TEX10: variants seen among roughly 807,000 people sequenced by gnomAD.
TEX10 encodes testis expressed 10.
A neutral mutation model predicts 104.4 loss-of-function variants in TEX10; 24 were observed. That is an observed-to-expected ratio of 0.23 (90% CI 0.17 to 0.32). The LOEUF (loss-of-function observed/expected upper bound fraction) is 0.32. Ranked by LOEUF, TEX10 falls within the 10% of genes least tolerant of loss-of-function variation. The probability of loss-of-function intolerance (pLI) is 1.00; values close to 1 mark genes in which losing one functional copy is unlikely to be tolerated. For missense variants in TEX10, 921 were observed against 1,083.9 expected (o/e 0.85, Z 2.11); for synonymous variants, 396 against 393.4 (o/e 1.01, Z -0.08).
At chr9:100,322,871 C>T (rs563198059) in intron 9 of TEX10, among the ~76,000 whole-genome samples, 42 of 152,264 alleles carry the variant, frequency 2.8e-4, no homozygotes, top group African/African-American at 8.9e-4. Context: ...CTGCCTCGGT[C>T]TCCCAGAGTT....
At chr9:100,352,751 C>G (rs960023517) in intron 1 of TEX10, 21 bp downstream of exon 1, 2 of 1,155,536 alleles carry the variant, frequency 1.7e-6, no homozygotes, top group African/African-American at 1.6e-5. Context: ...GGACCCGGCC[C>G]GACGGGCGAC....
chr9:100,350,934 C>T (rs1835424898), intron 1 of TEX10, among the ~76,000 whole-genome samples: 1 of 152,044 alleles, frequency 6.6e-6, no homozygotes, highest in African/African-American at 2.4e-5. Flanking sequence ...GTACACTGTC[C>T]CAATTTCTAT....
At chr9:100,303,502 T>G in intron 14 of TEX10, 130 bp downstream of exon 14, 4 of 775,566 alleles carry the variant, frequency 5.2e-6, no homozygotes, top group Non-Finnish European at 4.2e-6. Flanking sequence ...GAAACTACCA[T>G]ATTGGGATTA....
intron 13 of TEX10, 101 bp from the exon 14 acceptor site, chr9:100,303,943 T>G: frequency 8.6e-7 from 1 of 1,160,574 alleles, no homozygotes; most frequent in Non-Finnish European, 1.3e-6. Flanking sequence ...AAGGAACATG[T>G]TTTCCAATAA....
chr9:100,307,059 A>G lies in TEX10; in HGVS notation c.2465+1441T>C, dbSNP rs144970183. On this transcript the variant is annotated intron_variant, in intron 13 of 14. Coordinates refer to ENST00000374902, the MANE Select transcript of TEX10 (RefSeq NM_017746.4). The stretch of plus-strand genomic sequence containing the variant: ...TGTCAGACCTAATGTTTGATGATGT[A>G]TAAGAAAACTATCGTCGAATTTATG... The G allele has an allele frequency of 1.4e-4, 22 of 152,354 alleles. No homozygotes were observed. The East Asian group carries it at 4.2e-3, about 29-fold the overall frequency. 9.4% of individuals were successfully genotyped at this position (152,354 alleles called of 1,614,324 possible).
intron 9 of TEX10, among the ~76,000 whole-genome samples, chr9:100,322,879 G>C (rs1041449544): frequency 6.6e-6 from 1 of 152,098 alleles, no homozygotes; most frequent in Non-Finnish European, 1.5e-5. Context: ...GTCTCCCAGA[G>C]TTCTGGGATT....
rs753892109 is a variant in TEX10 at position 100,308,596 on chromosome 9, C to T, written c.2369G>A (p.Ser790Asn). The change falls in exon 13 of 15, where the codon AGT becomes AAT. Residue 790 changes from serine (S) to asparagine (N), a missense_variant. Physicochemically the swap from Ser to Asn is conservative, Grantham distance 46 (BLOSUM62 1). Coordinates refer to ENST00000374902, the MANE Select transcript of TEX10 (RefSeq NM_017746.4). ...AGCCAGAAATGGCAGTAGAGTCTCA[C>T]TAACTACACAAGTATGATCCAGGAG... The part of the protein sequence containing the change: ...CKLLDHTCVV[S>N]ETLLPFLASC... The T allele has an allele frequency of 1.2e-6, 2 of 1,613,410 alleles. No homozygotes were observed. The highest frequency in any genetic ancestry group is 1.7e-6 in the Non-Finnish European group (2 of 1,179,624).
chr9:100,326,501 T>C, intron 8 of TEX10, 22 bp from the exon 9 acceptor site: 2 of 1,588,068 alleles, frequency 1.3e-6, no homozygotes, highest in Non-Finnish European at 1.7e-6. Flanking sequence ...GATAGACATA[T>C]TAAAAACAAC....
intron 11 of TEX10, among the ~76,000 whole-genome samples, chr9:100,314,325 A>G (rs1158515958): frequency 6.6e-6 from 1 of 151,990 alleles, no homozygotes; most frequent in Non-Finnish European, 1.5e-5. Context: ...TGACTTCGTG[A>G]TCCTCCCACC....
intron 4 of TEX10, among the ~76,000 whole-genome samples, chr9:100,345,031 T>C (rs1008293077): frequency 6.6e-6 from 1 of 152,228 alleles, no homozygotes; most frequent in Admixed American, 6.5e-5. Flanking sequence ...ACATTCTTAC[T>C]GTCTCTAGCC....
intron 2 of TEX10, among the ~76,000 whole-genome samples, chr9:100,348,779 C>T (rs572096455): frequency 3.9e-5 from 6 of 152,184 alleles, no homozygotes; most frequent in East Asian, 3.9e-4. Flanking sequence ...GGCATGGTGA[C>T]GCTCGCCTGC....
chr9:100,320,204 T>C, intron 11 of TEX10, 61 bp downstream of exon 11: 1 of 1,484,458 alleles, frequency 6.7e-7, no homozygotes, highest in Non-Finnish European at 9.1e-7. Context: ...ATATAGTAAC[T>C]ATTACTGGTT....
intron 5 of TEX10, among the ~76,000 whole-genome samples, chr9:100,331,795 C>G (rs1834868466): frequency 6.6e-6 from 1 of 152,178 alleles, no homozygotes; most frequent in Non-Finnish European, 1.5e-5. Context: ...AACAAAGAAG[C>G]AGCACTCCAG....
chr9:100,333,638 A>T (rs886815017), intron 5 of TEX10, among the ~76,000 whole-genome samples: 5 of 25,310 alleles, frequency 2.0e-4, no homozygotes, highest in Non-Finnish European at 2.9e-4. Flanking sequence ...CCCCATCATA[A>T]AAAAAAAAAA....
At chr9:100,333,991 C>T (rs1334758973) in intron 5 of TEX10, among the ~76,000 whole-genome samples, 1 of 151,964 alleles carries the variant, frequency 6.6e-6, no homozygotes, top group Non-Finnish European at 1.5e-5. Context: ...GAATTAAAAA[C>T]TGGAAGAGAT....
At chr9:100,326,884 G>GA (rs2118879657) in intron 8 of TEX10, among the ~76,000 whole-genome samples, 1 of 152,084 alleles carries the variant, frequency 6.6e-6, no homozygotes, top group South Asian at 2.1e-4. Flanking sequence ...GACCAATATT[G>GA]AAAAATACAT....
At chr9:100,329,355 T>C (rs1345584785) in intron 6 of TEX10, 80 bp from the exon 7 acceptor site, 21 of 1,520,340 alleles carry the variant, frequency 1.4e-5, no homozygotes, top group Non-Finnish European at 1.6e-5. Flanking sequence ...TGCACCGAAG[T>C]ACTTTACTTT....
rs949626970 is a variant in TEX10 at position 100,330,725 on chromosome 9, A to C, written c.1251-556T>G. ...AACACAATTTCAAAAAATCTAAAAT[A>C]AAATATTTTAATAAAAACAAAATTT... On this transcript the variant is annotated intron_variant, in intron 5 of 14. Coordinates refer to ENST00000374902, the MANE Select transcript of TEX10 (RefSeq NM_017746.4). Among the ~76,000 whole-genome samples, 7 of 152,248 alleles carry C rather than the reference A, an allele frequency of 4.6e-5. No individual in the cohort carries two copies. The South Asian group carries it at 8.3e-4, about 18-fold the overall frequency.
intron 4 of TEX10, among the ~76,000 whole-genome samples, chr9:100,343,969 A>G (rs1022669866): frequency 6.6e-6 from 1 of 152,240 alleles, no homozygotes; most frequent in Non-Finnish European, 1.5e-5. Context: ...TTTTAATGTC[A>G]TTTTGTATAG....
Sources: gnomAD v4.1 joint callset for allele counts (sites outside exome capture counted in the v4.1 genomes callset) on GRCh38, gnomAD v4.1.1 for gene constraint, MANE v1.5 for transcripts, NCBI Gene and HGNC (gene_info 2026-07-23, HGNC 2026-07-21) for gene names.